Variants in ASPM observed in about 807,000 individuals in gnomAD.
ASPM encodes the protein abnormal spindle-like microcephaly-associated protein.
A neutral mutation model predicts 366.4 loss-of-function variants in ASPM; 256 were observed. That is an observed-to-expected ratio of 0.70 (90% CI 0.63 to 0.77). The LOEUF is 0.77. Among genes scored for constraint, ASPM ranks in the 30% least tolerant of loss-of-function variants. The pLI is 0.00. For missense variants in ASPM, 4,146 were observed against 4,090.4 expected (o/e 1.01, Z -0.37); for synonymous variants, 1,414 against 1,342.9 (o/e 1.05, Z -1.16).
Position 197,103,331 on chromosome 1 carries a change from CA to C in ASPM, c.5919del (p.Cys1973TrpfsTer21), listed in dbSNP as rs1185515084. On this transcript the variant is annotated frameshift_variant, in exon 18 of 28. Coordinates refer to ENST00000367409, the MANE Select transcript of ASPM (RefSeq NM_018136.5). LOFTEE classifies it high-confidence loss of function. ...CTATAGTATGACTGTATGATGATAG[CA>C]CATTTATGTTGCCTTTGAAGCTGTC... is the stretch of plus-strand genomic sequence containing the variant. Reference protein sequence around the residue: ...LRRQLQRQHKCAIIIQSYYRM... With the variant: ...LRRQLQRQHKXAIIIQSYYRM... 4.3e-6 allele frequency: 7 copies of C among 1,613,176 alleles called. No individual in the cohort carries two copies. The highest frequency in any genetic ancestry group is 5.9e-6 in the Non-Finnish European group (7 of 1,179,454).
At chr1:197,108,803 T>C (rs533610565) in intron 17 of ASPM, among the ~76,000 whole-genome samples, 3 of 151,734 alleles carry the variant, frequency 2.0e-5, no homozygotes, top group African/African-American at 7.2e-5. Context: ...AGACCCTATC[T>C]CCACAAAAAA....
At position 197,128,463 on chromosome 1, in the gene ASPM, C is replaced by G. The variant is rs1557958737; in HGVS notation, c.2936+27G>C. The G allele has an allele frequency of 1.9e-6, 3 of 1,594,310 alleles. No individual in the cohort carries two copies. In the Admixed American group the frequency reaches 5.0e-5, roughly 27 times the overall value. On this transcript the variant is annotated intron_variant, in intron 10 of 27. Transcript: ENST00000367409. ...GAAAATGTTAGTCTATTCCATTAAG[C>G]AAAATAATTCTATTTCTTATACGTA...
At position 197,103,952 on chromosome 1, in the gene ASPM, C is replaced by T. The variant is rs142536561; in HGVS notation, c.5299G>A (p.Ala1767Thr). Residue 1767 changes from alanine (A) to threonine (T), a missense_variant, in exon 18 of 28, where the codon GCT becomes ACT. Around this residue, in one of 3 missense-constraint regions of ASPM, gnomAD observed 3,624 missense variants for 3,591.7 expected, o/e 1.01. Transcript: ENST00000367409. ...TACATTTTCAGATAATACTGCCGAG[C>T]CTTTCTCATTCTGAAATAAGACTGT... The part of the protein sequence containing the change: ...SLQSYFRMRK[A>T]RQYYLKMYKA... 35 of 1,612,516 alleles carry T rather than the reference C, an allele frequency of 2.2e-5. No individual in the cohort carries two copies. Among genetic ancestry groups the T allele is most frequent in the Non-Finnish European group, 2.3e-5 (27 of 1,179,304 alleles).
intron 27 of ASPM, 45 bp downstream of exon 27, chr1:197,086,758 G>T: frequency 6.8e-7 from 1 of 1,480,546 alleles, no homozygotes; most frequent in Non-Finnish European, 9.4e-7. Context: ...TTAAATGAAT[G>T]AATGAACAGT....
At position 197,096,079 on chromosome 1, in the gene ASPM, C is replaced by T; in HGVS notation, c.8906G>A (p.Arg2969Lys). The change falls in exon 19 of 28, where the codon AGA (arginine) becomes AAA (lysine). Residue 2969 changes from arginine (R) to lysine (K), a missense_variant. Arg to Lys is a conservative substitution (Grantham distance 26). Around this residue, in one of 3 missense-constraint regions of ASPM, gnomAD observed 3,624 missense variants for 3,591.7 expected, o/e 1.01. Transcript: ENST00000367409. Reference protein sequence around the residue: ...CKIQAWYRCWRAHKEYLAILK... With the variant: ...CKIQAWYRCWKAHKEYLAILK... ...TATAGCTAGATATTCTTTGTGTGCT[C>T]TCCAACATCTATACCAGGCTTGAAT... 1 of 1,609,164 alleles carries T rather than the reference C, an allele frequency of 6.2e-7. No homozygotes were observed. Among genetic ancestry groups the T allele is most frequent in the South Asian group, 1.1e-5 (1 of 90,988 alleles).
chr1:197,124,435 T>C, intron 12 of ASPM, 104 bp from the exon 13 acceptor site: 1 of 870,652 alleles, frequency 1.1e-6, no homozygotes. Context: ...AAACTGTAGA[T>C]GTTTTAAACC....
chr1:197,132,023 C>T (rs1010422361), intron 7 of ASPM, among the ~76,000 whole-genome samples: 4 of 152,102 alleles, frequency 2.6e-5, no homozygotes, highest in South Asian at 2.1e-4. Flanking sequence ...GTTGTCATTA[C>T]GTGCAACACC....
chr1:197,106,744 CACTT>C (rs1276297692), intron 17 of ASPM, among the ~76,000 whole-genome samples: 1 of 152,088 alleles, frequency 6.6e-6, no homozygotes. Flanking sequence ...ACAATTTTCT[CACTT>C]AATTCTCACA....
rs1054376729 is a variant in ASPM at position 197,117,911 on chromosome 1, T to C, written c.3943A>G (p.Arg1315Gly). The change falls in exon 17 of 28, where the codon AGA becomes GGA. Residue 1315 changes from arginine (R) to glycine (G), a missense_variant. By Grantham distance (125) the Arg-to-Gly change is moderately radical (BLOSUM62 -2). Around this residue, in one of 3 missense-constraint regions of ASPM, gnomAD observed 3,624 missense variants for 3,591.7 expected, o/e 1.01. Transcript: ENST00000367409. ...NFLAKQRLRK[R>G]VNAALVIQKY... ...TGAATGACGAGTGCTGCATTAACTCTTTTTCTCAATCTTTGTTTTGCTAGA... is the reference window on the plus strand; with the variant it reads ...TGAATGACGAGTGCTGCATTAACTCCTTTTCTCAATCTTTGTTTTGCTAGA... 8 of 1,613,456 alleles carry C rather than the reference T, an allele frequency of 5.0e-6. No individual in the cohort carries two copies. Among genetic ancestry groups the C allele is most frequent in the Non-Finnish European group, 6.8e-6 (8 of 1,179,508 alleles).
Position 197,102,827 on chromosome 1 carries a change from C to A in ASPM, c.6424G>T (p.Ala2142Ser). 6.2e-7 allele frequency: 1 copy of A among 1,612,398 alleles called. No individual in the cohort carries two copies. Among genetic ancestry groups the A allele is most frequent in the East Asian group, 2.2e-5 (1 of 44,798 alleles). ...SRISYHTMRK[A>S]AIVIQVRCRA... The stretch of plus-strand genomic sequence containing the variant: ...CATCTTACTTGAATAACAATAGCTG[C>A]TTTTCTCATTGTATGGTAACTTATT... The change falls in exon 18 of 28, where the codon GCA becomes TCA. Residue 2142 changes from alanine to serine, a missense_variant. By Grantham distance (99) the Ala-to-Ser change is moderately conservative (BLOSUM62 1). Coordinates refer to ENST00000367409, the MANE Select transcript of ASPM (RefSeq NM_018136.5).
rs1657371732 is a variant in ASPM at position 197,105,164 on chromosome 1, T to C, written c.4087A>G (p.Thr1363Ala). ...TTCAATTTCAGAAATCTTTGTCTAGTGGAATATCTTCTCCAATATCCCTGG... is the reference window on the plus strand; with the variant it reads ...TTCAATTTCAGAAATCTTTGTCTAGCGGAATATCTTCTCCAATATCCCTGG... ...LIQGYWRRYS[T>A]RQRFLKLKYY... Residue 1363 changes from threonine (T) to alanine (A), a missense_variant, in exon 18 of 28, where the codon ACT becomes GCT. Physicochemically the swap from Thr to Ala is moderately conservative, Grantham distance 58 (BLOSUM62 0). Around this residue, in one of 3 missense-constraint regions of ASPM, gnomAD observed 3,624 missense variants for 3,591.7 expected, o/e 1.01. Coordinates refer to ENST00000367409, the MANE Select transcript of ASPM (RefSeq NM_018136.5). 6.2e-7 allele frequency: 1 copy of C among 1,606,418 alleles called. No homozygotes were observed. The highest frequency in any genetic ancestry group is 1.3e-5 in the African/African-American group (1 of 74,788).
chr1:197,101,116 T>C lies in ASPM; in HGVS notation c.8135A>G (p.Lys2712Arg). Reference protein sequence around the residue: ...HRAKVDYETKKTAIVVIQNYY... With the variant: ...HRAKVDYETKRTAIVVIQNYY... Reference sequence around the variant, plus strand: ...ATTCTGTATAACCACAATTGCAGTTTTCTTTGTTTCATAATCAACTTTGGC... The same window carrying C: ...ATTCTGTATAACCACAATTGCAGTTCTCTTTGTTTCATAATCAACTTTGGC... The change falls in exon 18 of 28, where the codon AAA becomes AGA. Residue 2712 changes from lysine (K) to arginine (R), a missense_variant. Lys to Arg is a conservative substitution (Grantham distance 26). Around this residue, in one of 3 missense-constraint regions of ASPM, gnomAD observed 3,624 missense variants for 3,591.7 expected, o/e 1.01. Transcript: ENST00000367409. 6.2e-7 allele frequency: 1 copy of C among 1,612,104 alleles called. No homozygotes were observed. The highest frequency in any genetic ancestry group is 8.5e-7 in the Non-Finnish European group (1 of 1,178,938).
Position 197,093,179 on chromosome 1 carries a change from G to A in ASPM, c.9167C>T (p.Ala3056Val). 1 of 1,612,508 alleles carries A rather than the reference G, an allele frequency of 6.2e-7. No homozygotes were observed. The highest frequency in any genetic ancestry group is 8.5e-7 in the Non-Finnish European group (1 of 1,178,980). Residue 3056 changes from alanine (A) to valine (V), a missense_variant, in exon 21 of 28, where the codon GCT becomes GTT. This residue lies in a region of ASPM where 3,624 missense variants were observed against 3,591.7 expected (regional missense o/e 1.01). Transcript: ENST00000367409. ...RQVFLRQKSA[A>V]LIIQKYIRAR... ...TCGTATATATTTTTGTATGATCAAA[G>A]CAGCAGATTTCTGCCGAAGAAAGAC...
chr1:197,088,475 T>C, intron 25 of ASPM, 43 bp from the exon 26 acceptor site: 2 of 1,536,828 alleles, frequency 1.3e-6, no homozygotes. Context: ...AATAAACACA[T>C]ACATTTACAA....
chr1:197,106,536 T>G (rs1435511089), intron 17 of ASPM, among the ~76,000 whole-genome samples: 2 of 152,060 alleles, frequency 1.3e-5, no homozygotes, highest in Admixed American at 1.3e-4. Context: ...GTGTACAGAT[T>G]GTTTTATACT....
chr1:197,091,929 A>G lies in ASPM; in HGVS notation c.9422T>C (p.Val3141Ala). Residue 3141 changes from valine to alanine, a missense_variant, in exon 22 of 28, where the codon GTT becomes GCT. This residue lies in a region of ASPM where 3,624 missense variants were observed against 3,591.7 expected (regional missense o/e 1.01). Coordinates refer to ENST00000367409, the MANE Select transcript of ASPM (RefSeq NM_018136.5). Reference sequence around the variant, plus strand: ...AACCTGAATACAGATGACTGAATTAACCTGCTTGTTAGCATTCTTCACAGC... The same window carrying G: ...AACCTGAATACAGATGACTGAATTAGCCTGCTTGTTAGCATTCTTCACAGC... ...YLAVKNANKQ[V>A]NSVICIQRWF... 2 of 1,610,684 alleles carry G rather than the reference A, an allele frequency of 1.2e-6. No homozygotes were observed. The highest frequency in any genetic ancestry group is 2.2e-5 in the East Asian group (1 of 44,724).
rs1557960394 is a variant in ASPM, at chr1:197,132,277, AT to A, written c.2487+7del. 6.3e-7 allele frequency: 1 copy of A among 1,597,682 alleles called. No homozygotes were observed. Among genetic ancestry groups the A allele is most frequent in the Non-Finnish European group, 8.5e-7 (1 of 1,170,024 alleles). On this transcript the variant is annotated splice_region_variant and intron_variant, in intron 7 of 27. Coordinates refer to ENST00000367409, the MANE Select transcript of ASPM (RefSeq NM_018136.5). ...ATATTATTTTAGAAACCTGAAATAT[AT>A]GCTTACCTCTAGACCAATTCGAAGC...
intron 7 of ASPM, among the ~76,000 whole-genome samples, chr1:197,130,974 A>G (rs779140348): frequency 1.3e-5 from 2 of 152,226 alleles, no homozygotes; most frequent in Non-Finnish European, 2.9e-5. Context: ...TTTTTGCCAC[A>G]AAAAAGCTAT....
At chr1:197,126,389 G>A (rs746091541) in intron 10 of ASPM, among the ~76,000 whole-genome samples, 2 of 140,070 alleles carry the variant, frequency 1.4e-5, no homozygotes, top group South Asian at 2.3e-4. Flanking sequence ...GCAGTGAGCC[G>A]AGATCGTGCC....
Sources: allele counts gnomAD v4.1 joint callset (sites outside exome capture counted in the v4.1 genomes callset), GRCh38; gene constraint gnomAD v4.1.1; regional missense constraint gnomAD v4.1.1; transcripts MANE v1.5; gene names NCBI Gene and HGNC (gene_info 2026-07-23, HGNC 2026-07-21).